The following ANXA8 variants were observed in gnomAD, a reference collection of about 807,000 sequenced individuals.
ANXA8 encodes the protein VAC-beta.
Under a neutral mutation model 26.8 loss-of-function variants are expected in ANXA8, and 9 were observed. That is an observed-to-expected ratio of 0.34 (90% CI 0.20 to 0.59). ANXA8 has a LOEUF of 0.59. ANXA8 is among the 20% of genes least tolerant of loss of function. The pLI, the probability that ANXA8 is intolerant of heterozygous loss-of-function variation, is 0.84. For missense variants in ANXA8, 83 were observed against 238.5 expected, an observed-to-expected ratio of 0.35 and a Z score of 4.29; for synonymous variants, 39 against 94.8, an observed-to-expected ratio of 0.41 and a Z score of 3.42.
the ANXA8 span, among the ~76,000 whole-genome samples, chr10:47,600,323 G>A: frequency 6.7e-6 from 1 of 150,362 alleles, no homozygotes; most frequent in African/African-American, 2.5e-5. Context: ...CAGCTGCAGC[G>A]CTTGGGCCAA....
chr10:47,929,064 C>T, the ANXA8 span, among the ~76,000 whole-genome samples: 2 of 133,146 alleles, frequency 1.5e-5, no homozygotes, highest in Admixed American at 7.9e-5. Context: ...GAACTCCTGG[C>T]CTCAAGTGAT....
chr10:47,509,122 G>GA, the ANXA8 span, among the ~76,000 whole-genome samples: 3 of 136,300 alleles, frequency 2.2e-5, no homozygotes. Context: ...GAATAATGAG[G>GA]AAAAAAGCAC....
the ANXA8 span, among the ~76,000 whole-genome samples, chr10:47,559,981 G>A: frequency 6.6e-6 from 1 of 151,072 alleles, no homozygotes; most frequent in Non-Finnish European, 1.5e-5. Flanking sequence ...CTAAATGGGT[G>A]TAGCTGGGAA....
chr10:47,501,085 G>A, the ANXA8 span, among the ~76,000 whole-genome samples: 1 of 142,322 alleles, frequency 7.0e-6, no homozygotes, highest in Non-Finnish European at 1.5e-5. Context: ...TGTATTTTTA[G>A]CAGAGATGGG....
the ANXA8 span, among the ~76,000 whole-genome samples, chr10:47,668,883 G>T: frequency 6.6e-6 from 1 of 151,288 alleles, no homozygotes; most frequent in Non-Finnish European, 1.5e-5. Flanking sequence ...GTCATTTGCT[G>T]GGGCACCCTT....
the ANXA8 span, among the ~76,000 whole-genome samples, chr10:47,967,183 TC>T: frequency 1.3e-5 from 2 of 149,312 alleles, no homozygotes; most frequent in African/African-American, 2.4e-5. Context: ...TTCTATCCTC[TC>T]CCCTCCCCAG....
the ANXA8 span, among the ~76,000 whole-genome samples, chr10:47,768,817 A>T: frequency 4.0e-5 from 6 of 151,788 alleles, 1 homozygote; most frequent in East Asian, 9.6e-4. Flanking sequence ...GAGAGTAGGC[A>T]GCTGCTGTGT....
chr10:47,776,758 G>A, the ANXA8 span, among the ~76,000 whole-genome samples: 7 of 151,990 alleles, frequency 4.6e-5, no homozygotes, highest in East Asian at 9.7e-4. Context: ...ATATATTTGT[G>A]GAATATATGT....
At chr10:47,535,170 C>T in the ANXA8 span, among the ~76,000 whole-genome samples, 2 of 130,300 alleles carry the variant, frequency 1.5e-5, no homozygotes, top group African/African-American at 6.8e-5. Flanking sequence ...GACAGGGTTT[C>T]ACCATGTTGG....
At chr10:47,697,027 T>C in the ANXA8 span, among the ~76,000 whole-genome samples, 1 of 151,754 alleles carries the variant, frequency 6.6e-6, no homozygotes, top group Non-Finnish European at 1.5e-5. Context: ...TTCTTTAATG[T>C]CCAGTTTTCT....
the ANXA8 span, among the ~76,000 whole-genome samples, chr10:47,521,326 TA>T: frequency 7.1e-6 from 1 of 140,534 alleles, no homozygotes; most frequent in East Asian, 2.8e-4. Context: ...TACAAGTACT[TA>T]CATGCTTTGT....
the ANXA8 span, among the ~76,000 whole-genome samples, chr10:47,506,793 C>T: frequency 1.4e-5 from 2 of 143,674 alleles, no homozygotes; most frequent in Non-Finnish European, 1.5e-5. Context: ...GTGCGTGCCA[C>T]CATGCCCAGC....
At chr10:47,916,378 C>G in the ANXA8 span, among the ~76,000 whole-genome samples, 1 of 128,958 alleles carries the variant, frequency 7.8e-6, no homozygotes, top group East Asian at 2.0e-4. Context: ...TCTCCTTTCC[C>G]TAGCAGAGGC....
chr10:47,561,602 A>G, the ANXA8 span, among the ~76,000 whole-genome samples: 3 of 151,798 alleles, frequency 2.0e-5, no homozygotes, highest in African/African-American at 7.3e-5. Flanking sequence ...AAGTACATGT[A>G]TGTCAAAATT....
chr10:47,724,470 A>G, the ANXA8 span, among the ~76,000 whole-genome samples: 13 of 141,104 alleles, frequency 9.2e-5, 2 homozygotes, highest in East Asian at 3.6e-3. Flanking sequence ...TCAGTTCTTC[A>G]GACATTTTGA....
the ANXA8 span, among the ~76,000 whole-genome samples, chr10:47,687,608 T>G: frequency 6.6e-6 from 1 of 151,826 alleles, no homozygotes; most frequent in Non-Finnish European, 1.5e-5. Context: ...CCCACTTGGG[T>G]TTGACATATT....
chr10:47,474,242 G>T (rs1440900919), intron 8 of ANXA8, 63 bp downstream of exon 8: 1 of 1,574,134 alleles, frequency 6.4e-7, no homozygotes, highest in Admixed American at 1.7e-5. Flanking sequence ...AGAAGCACGA[G>T]GGAGAGGCTC....
At chr10:47,743,313 C>CATATATATAT in the ANXA8 span, among the ~76,000 whole-genome samples, 1 of 27,566 alleles carries the variant, frequency 3.6e-5, no homozygotes, top group Non-Finnish European at 8.3e-5. Context: ...TATATATATA[C>CATATATATAT]ACATATATAT....
chr10:47,694,976 A>T, the ANXA8 span, among the ~76,000 whole-genome samples: 3 of 151,812 alleles, frequency 2.0e-5, no homozygotes, highest in Non-Finnish European at 4.4e-5. Context: ...CCAGGAGGCC[A>T]GGGCGGGCTA....
Sources: gnomAD v4.1 joint callset for allele counts (sites outside exome capture counted in the v4.1 genomes callset) on GRCh38, gnomAD v4.1.1 for gene constraint, MANE v1.5 for transcripts, NCBI Gene and HGNC (gene_info 2026-07-23, HGNC 2026-07-21) for gene names.